The following RARB variants were observed in gnomAD, a reference collection of about 807,000 sequenced individuals.
The protein encoded by RARB is HBV-activated protein.
Under a neutral mutation model 51.9 loss-of-function variants are expected in RARB, and 17 were observed. That is an observed-to-expected ratio of 0.33 (90% CI 0.22 to 0.49). The LOEUF is 0.49. RARB is among the 20% of genes least tolerant of loss of function. The probability of loss-of-function intolerance (pLI) is 0.99; values close to 1 mark genes in which losing one functional copy is unlikely to be tolerated. For missense variants in RARB, 369 were observed against 550.8 expected, an observed-to-expected ratio of 0.67 and a Z score of 3.30; for synonymous variants, 215 against 195.4, an observed-to-expected ratio of 1.10 and a Z score of -0.84.
At chr3:25,351,623 G>A (rs1183660453) in intron 5 of RARB, among the ~76,000 whole-genome samples, 1 of 152,164 alleles carries the variant, frequency 6.6e-6, no homozygotes, top group African/African-American at 2.4e-5. Flanking sequence ...CAGCCCGGAA[G>A]ACACTTGGGC....
At chr3:24,972,632 C>T (rs1696425558) in intron 2 of RARB, among the ~76,000 whole-genome samples, 2 of 152,016 alleles carry the variant, frequency 1.3e-5, no homozygotes, top group Admixed American at 6.6e-5. Flanking sequence ...TCCCCTTTCT[C>T]CACATCCTTG....
chr3:25,181,073 T>G (rs1010531266), intron 5 of RARB, among the ~76,000 whole-genome samples: 2 of 152,170 alleles, frequency 1.3e-5, no homozygotes, highest in African/African-American at 4.8e-5. Flanking sequence ...ATGACCAAAG[T>G]CAGTCCTCTT....
At chr3:24,886,811 TGTAAA>T (rs1265604073) in intron 2 of RARB, among the ~76,000 whole-genome samples, 1 of 152,174 alleles carries the variant, frequency 6.6e-6, no homozygotes, top group Non-Finnish European at 1.5e-5. Context: ...AAGGCAGTAA[TGTAAA>T]AGAGAAATTC....
chr3:25,292,234 AG>A (rs1311877584), intron 5 of RARB, among the ~76,000 whole-genome samples: 1 of 152,188 alleles, frequency 6.6e-6, no homozygotes, highest in Non-Finnish European at 1.5e-5. Flanking sequence ...CAGCGAGTTT[AG>A]GGCCATTGGA....
chr3:25,226,761 A>C (rs998274088), intron 5 of RARB, among the ~76,000 whole-genome samples: 1 of 152,162 alleles, frequency 6.6e-6, no homozygotes, highest in African/African-American at 2.4e-5. Flanking sequence ...CTGCTCTGTG[A>C]ATCAAACACA....
chr3:25,182,318 T>G (rs1257381887), intron 5 of RARB, among the ~76,000 whole-genome samples: 1 of 152,166 alleles, frequency 6.6e-6, no homozygotes, highest in Non-Finnish European at 1.5e-5. Context: ...AAGGAGGGCT[T>G]GCAACACCAG....
intron 2 of RARB, among the ~76,000 whole-genome samples, chr3:25,484,877 G>A (rs1210057225): frequency 1.3e-5 from 2 of 151,896 alleles, no homozygotes; most frequent in Admixed American, 6.6e-5. Flanking sequence ...GGAAACACAC[G>A]AATGCTGGAG....
At chr3:24,843,614 C>T (rs1434400395) in intron 1 of RARB, among the ~76,000 whole-genome samples, 1 of 152,092 alleles carries the variant, frequency 6.6e-6, no homozygotes, top group African/African-American at 2.4e-5. Context: ...TATATCAGAT[C>T]AGCAAGAAAA....
intron 5 of RARB, among the ~76,000 whole-genome samples, chr3:25,401,691 G>T (rs1348409468): frequency 6.6e-6 from 1 of 152,186 alleles, no homozygotes; most frequent in East Asian, 1.9e-4. Flanking sequence ...CTGTAAGATA[G>T]GTCAGGAGAA....
chr3:24,938,794 C>T (rs1695597136), intron 2 of RARB, among the ~76,000 whole-genome samples: 2 of 152,080 alleles, frequency 1.3e-5, no homozygotes, highest in Admixed American at 1.3e-4. Flanking sequence ...TTCTAAGTAC[C>T]TCATATAAGT....
At chr3:25,201,304 T>G (rs1234395117) in intron 5 of RARB, among the ~76,000 whole-genome samples, 2 of 152,258 alleles carry the variant, frequency 1.3e-5, no homozygotes, top group African/African-American at 2.4e-5. Context: ...TTGCTGAAGT[T>G]GCTTATCAGC....
intron 5 of RARB, among the ~76,000 whole-genome samples, chr3:25,404,906 C>T (rs951767264): frequency 1.3e-5 from 2 of 151,978 alleles, no homozygotes; most frequent in Non-Finnish European, 2.9e-5. Flanking sequence ...TTCAGTAACC[C>T]AGTAGGTCTC....
intron 5 of RARB, among the ~76,000 whole-genome samples, chr3:25,347,190 G>A (rs1705420107): frequency 6.6e-6 from 1 of 152,232 alleles, no homozygotes; most frequent in African/African-American, 2.4e-5. Context: ...GGTATATCTA[G>A]AGCTGGCTGG....
At chr3:25,121,119 G>A (rs1378619123) in intron 3 of RARB, among the ~76,000 whole-genome samples, 1 of 152,120 alleles carries the variant, frequency 6.6e-6, no homozygotes, top group Non-Finnish European at 1.5e-5. Flanking sequence ...GAAGGGGAAG[G>A]ATCACTATTT....
chr3:25,170,649 C>G (rs972522736), intron 4 of RARB, among the ~76,000 whole-genome samples: 7 of 152,066 alleles, frequency 4.6e-5, no homozygotes, highest in Non-Finnish European at 2.9e-5. Flanking sequence ...TTGAGCTAAA[C>G]TTAATACAAA....
At chr3:25,582,812 G>A (rs1249216060) in intron 5 of RARB, among the ~76,000 whole-genome samples, 1 of 152,120 alleles carries the variant, frequency 6.6e-6, no homozygotes, top group Admixed American at 6.5e-5. Flanking sequence ...CCTTGGTGAA[G>A]TTATTTAACT....
At chr3:25,083,198 G>A (rs568898717) in intron 3 of RARB, among the ~76,000 whole-genome samples, 168 of 151,864 alleles carry the variant, frequency 1.1e-3, no homozygotes, top group Non-Finnish European at 1.8e-3. Flanking sequence ...AATGTATTCT[G>A]ATATAATTTT....
intron 3 of RARB, among the ~76,000 whole-genome samples, chr3:25,131,100 T>C (rs1403885206): frequency 6.6e-6 from 1 of 151,900 alleles, no homozygotes; most frequent in African/African-American, 2.4e-5. Context: ...TCAACCTCTT[T>C]GTCTTCTGAA....
intron 5 of RARB, among the ~76,000 whole-genome samples, chr3:25,193,219 C>T (rs1020603300): frequency 9.2e-5 from 14 of 151,920 alleles, no homozygotes; most frequent in African/African-American, 3.1e-4. Context: ...TTCTCTGAAC[C>T]CTTTAATTCT....
Sources: allele counts gnomAD v4.1 joint callset (sites outside exome capture counted in the v4.1 genomes callset), GRCh38; gene constraint gnomAD v4.1.1; transcripts MANE v1.5; gene names NCBI Gene and HGNC (gene_info 2026-07-23, HGNC 2026-07-21).